UBE2E2: variants seen among roughly 807,000 people sequenced by gnomAD.
UBE2E2 encodes ubiquitin-conjugating enzyme E2 E2.
A neutral mutation model predicts 24.7 loss-of-function variants in UBE2E2; 6 were observed. The ratio of observed to expected loss-of-function variants is 0.24; its 90% CI spans 0.13 to 0.48. UBE2E2 has a LOEUF of 0.48. UBE2E2 is among the 20% of genes least tolerant of loss of function. The probability of loss-of-function intolerance (pLI) is 0.99; values close to 1 mark genes in which losing one functional copy is unlikely to be tolerated. For synonymous variants in UBE2E2, 104 were observed against 83.6 expected (o/e 1.24, Z -1.33); for missense variants, 169 against 245.0 (o/e 0.69, Z 2.07).
At chr3:23,234,427 C>T (rs1697051929) in intron 3 of UBE2E2, among the ~76,000 whole-genome samples, 1 of 152,132 alleles carries the variant, frequency 6.6e-6, no homozygotes, top group Admixed American at 6.6e-5. Context: ...CATTCAAATT[C>T]ACTCATTGAC....
intron 3 of UBE2E2, among the ~76,000 whole-genome samples, chr3:23,267,386 C>G (rs1489101047): frequency 6.6e-6 from 1 of 152,076 alleles, no homozygotes; most frequent in African/African-American, 2.4e-5. Context: ...ACCACTGATC[C>G]CACAGAAATA....
intron 3 of UBE2E2, among the ~76,000 whole-genome samples, chr3:23,314,199 G>A (rs1694504695): frequency 6.6e-6 from 1 of 152,160 alleles, no homozygotes; most frequent in Admixed American, 6.5e-5. Flanking sequence ...CACAATTACA[G>A]CTCACTGTGG....
At chr3:23,259,662 C>T (rs963827550) in intron 3 of UBE2E2, among the ~76,000 whole-genome samples, 2 of 151,772 alleles carry the variant, frequency 1.3e-5, no homozygotes, top group South Asian at 4.2e-4. Flanking sequence ...GTGAATATAA[C>T]ATACAGAAAA....
intron 3 of UBE2E2, among the ~76,000 whole-genome samples, chr3:23,427,259 CAAAAAAAAAA>C (rs74787665): frequency 0.01 from 907 of 88,484 alleles, 12 homozygotes; most frequent in Non-Finnish European, 0.016. Context: ...CCATCTCTAC[CAAAAAAAAAA>C]AAAAAAAAAA....
chr3:23,344,701 A>AATAT (rs145167911), intron 3 of UBE2E2, among the ~76,000 whole-genome samples: 3 of 151,300 alleles, frequency 2.0e-5, no homozygotes, highest in Non-Finnish European at 2.9e-5. Context: ...CAAAAAAAAT[A>AATAT]ATATATATAT....
chr3:23,268,545 A>G (rs1280668553), intron 3 of UBE2E2, among the ~76,000 whole-genome samples: 3 of 147,240 alleles, frequency 2.0e-5, no homozygotes, highest in Admixed American at 2.0e-4. Flanking sequence ...GCTCAATGAA[A>G]TAAAAGAGGA....
At chr3:23,364,979 A>G (rs1696216668) in intron 3 of UBE2E2, among the ~76,000 whole-genome samples, 1 of 152,256 alleles carries the variant, frequency 6.6e-6, no homozygotes, top group African/African-American at 2.4e-5. Context: ...ACACAGATCA[A>G]TAAATGTGAT....
At chr3:23,347,488 G>A (rs539655225) in intron 3 of UBE2E2, among the ~76,000 whole-genome samples, 1 of 152,198 alleles carries the variant, frequency 6.6e-6, no homozygotes, top group African/African-American at 2.4e-5. Context: ...TCACTTATAA[G>A]TGGGAGTTGA....
chr3:23,536,384 G>A (rs565481969), intron 5 of UBE2E2, among the ~76,000 whole-genome samples: 2 of 151,862 alleles, frequency 1.3e-5, no homozygotes, highest in Non-Finnish European at 2.9e-5. Flanking sequence ...TTTCCTTCTT[G>A]AGACGTGTAT....
At chr3:23,455,754 G>T (rs901079846) in intron 3 of UBE2E2, among the ~76,000 whole-genome samples, 1 of 152,180 alleles carries the variant, frequency 6.6e-6, no homozygotes, top group South Asian at 2.1e-4. Flanking sequence ...AGCCTTTAGG[G>T]AGTCATAATC....
chr3:23,546,311 T>C (rs531313567), intron 5 of UBE2E2, among the ~76,000 whole-genome samples: 7 of 152,278 alleles, frequency 4.6e-5, no homozygotes, highest in African/African-American at 1.7e-4. Flanking sequence ...GTTGTCATTG[T>C]TCTTGTTGTT....
chr3:23,467,869 A>G (rs1458157426), intron 3 of UBE2E2, among the ~76,000 whole-genome samples: 1 of 152,176 alleles, frequency 6.6e-6, no homozygotes, highest in African/African-American at 2.4e-5. Context: ...GGAAGGAGGC[A>G]CATCTTCACA....
intron 3 of UBE2E2, among the ~76,000 whole-genome samples, chr3:23,369,866 A>T (rs1367018609): frequency 6.6e-6 from 1 of 152,108 alleles, no homozygotes; most frequent in Non-Finnish European, 1.5e-5. Context: ...GTTTTTATTT[A>T]TATGTATCTC....
chr3:23,372,303 C>G (rs1443534199), intron 3 of UBE2E2, among the ~76,000 whole-genome samples: 1 of 151,842 alleles, frequency 6.6e-6, no homozygotes, highest in Admixed American at 6.6e-5. Flanking sequence ...ACTGGATATA[C>G]GTCTAGTATC....
intron 3 of UBE2E2, among the ~76,000 whole-genome samples, chr3:23,492,700 A>G (rs1699523707): frequency 1.3e-5 from 2 of 152,164 alleles, no homozygotes; most frequent in Non-Finnish European, 1.5e-5. Flanking sequence ...ACTTAACAAT[A>G]TACATAGCTT....
chr3:23,376,766 T>C (rs1451484355), intron 3 of UBE2E2, among the ~76,000 whole-genome samples: 1 of 152,188 alleles, frequency 6.6e-6, no homozygotes, highest in East Asian at 1.9e-4. Flanking sequence ...GGAGAACATG[T>C]AGCTTGCCAC....
At chr3:23,285,812 C>A (rs1164185673) in intron 3 of UBE2E2, among the ~76,000 whole-genome samples, 1 of 152,128 alleles carries the variant, frequency 6.6e-6, no homozygotes, top group African/African-American at 2.4e-5. Context: ...TGTTTCTCAG[C>A]CACTCGAATA....
At chr3:23,315,214 G>A (rs1694537827) in intron 3 of UBE2E2, among the ~76,000 whole-genome samples, 4 of 151,784 alleles carry the variant, frequency 2.6e-5, no homozygotes, top group Admixed American at 2.6e-4. Context: ...AGGCAGAGGA[G>A]TTTGTCCCCA....
intron 3 of UBE2E2, among the ~76,000 whole-genome samples, chr3:23,356,587 A>G (rs1190083104): frequency 6.6e-6 from 1 of 152,160 alleles, no homozygotes; most frequent in South Asian, 2.1e-4. Context: ...TCCTTGACTC[A>G]ACTTCTCATC....
Sources: allele counts gnomAD v4.1 joint callset (sites outside exome capture counted in the v4.1 genomes callset), GRCh38; gene constraint gnomAD v4.1.1; transcripts MANE v1.5; gene names NCBI Gene and HGNC (gene_info 2026-07-23, HGNC 2026-07-21).